C4orf50: variants seen among roughly 807,000 people sequenced by gnomAD.
The protein encoded by C4orf50 is uncharacterized protein C4orf50.
Under a neutral mutation model 77.2 loss-of-function variants are expected in C4orf50, and 80 were observed. That is an observed-to-expected ratio of 1.04 (90% confidence interval 0.87 to 1.25). The LOEUF (loss-of-function observed/expected upper bound fraction) is 1.25. C4orf50 is among the 50% of genes most tolerant of loss of function. The probability of loss-of-function intolerance (pLI) is 0.00; values close to 1 mark genes in which losing one functional copy is unlikely to be tolerated. For missense variants in C4orf50, 1,257 were observed against 1,152.9 expected, an observed-to-expected ratio of 1.09 and a Z score of -1.31; for synonymous variants, 532 against 465.3, an observed-to-expected ratio of 1.14 and a Z score of -1.84.
In C4orf50 at chr4:5,910,786, C is replaced by A. The variant is rs186674356; in HGVS notation, c.*2475-12598G>T. Among the ~76,000 whole-genome samples the A allele has an allele frequency of 4.0e-5, 6 of 151,878 alleles. No individual in the cohort carries two copies. In the South Asian group the frequency reaches 8.3e-4, roughly 21 times the overall value. On this transcript the variant is annotated intron_variant, in intron 7 of 7. Coordinates refer to the C4orf50 transcript ENST00000324058. ...TAAAGTCCCTGCCCTCAGGTGCTCT[C>A]TTTTTTGTTGTTGTCAGTGGAGTGG... is the stretch of plus-strand genomic sequence containing the variant.
In C4orf50 at chr4:5,916,193, G is replaced by T. The variant is rs1240448556; in HGVS notation, c.*2475-18005C>A. On this transcript the variant is annotated intron_variant, in intron 7 of 7. Transcript: ENST00000324058. The surrounding 1 kb of genome is among the most constrained non-coding windows in gnomAD (Gnocchi z 4.4). ...TGTGACTTCTTTCTTATTCTGTCCT[G>T]GCTTCCCTCACTGGACAGGGAACAG... Among the ~76,000 whole-genome samples, 2 of 152,150 alleles carry T rather than the reference G, an allele frequency of 1.3e-5. No homozygotes were observed. Among genetic ancestry groups the T allele is most frequent in the African/African-American group, 4.8e-5 (2 of 41,418 alleles).
At chr4:6,012,099 A>G (rs1722518895) in intron 23 of C4orf50, 131 bp from the exon 2 acceptor site, 1 of 397,562 alleles carries the variant, frequency 2.5e-6, no homozygotes, top group East Asian at 3.6e-5. Flanking sequence ...TTCTGACAAA[A>G]TTACGTTTTG....
At chr4:5,980,649 A>C (rs1220441654) in intron 28 of C4orf50, among the ~76,000 whole-genome samples, 2 of 152,040 alleles carry the variant, frequency 1.3e-5, no homozygotes, top group Non-Finnish European at 2.9e-5. Flanking sequence ...GAGGGCCTGG[A>C]GAGTCCCAGA....
chr4:5,946,333 C>T (rs974386745), intron 7 of C4orf50, among the ~76,000 whole-genome samples: 6 of 152,178 alleles, frequency 3.9e-5, no homozygotes, highest in African/African-American at 1.4e-4. Context: ...ACCCAAAACC[C>T]CTAGACCTTC....
chr4:5,959,654 C>A (rs371745154), intron 33 of C4orf50, 28 bp from the exon 12 acceptor site: 26 of 1,596,134 alleles, frequency 1.6e-5, no homozygotes, highest in Non-Finnish European at 2.1e-5. Context: ...ATGAAATGGT[C>A]TCTGCGTCCA....
intron 7 of C4orf50, among the ~76,000 whole-genome samples, chr4:5,929,175 T>A (rs762368699): frequency 1.3e-5 from 2 of 152,284 alleles, no homozygotes; most frequent in East Asian, 3.9e-4. Flanking sequence ...CTATTATAAA[T>A]CATAGCACGA....
chr4:6,004,180 T>C (rs1722062899), intron 25 of C4orf50, among the ~76,000 whole-genome samples: 2 of 125,288 alleles, frequency 1.6e-5, no homozygotes, highest in African/African-American at 5.7e-5. Context: ...ATGGTGATGA[T>C]GGTGATGGTG....
rs1360490779 is a variant in C4orf50 at position 6,009,187 on chromosome 4, C to T, written c.427-655G>A. 6.6e-6 allele frequency among the ~76,000 whole-genome samples: 1 copy of T among 152,236 alleles called. No homozygotes were observed. Among genetic ancestry groups the T allele is most frequent in the South Asian group, 2.1e-4 (1 of 4,834 alleles). ...CTCAGGCCTTTTCTTCTTTCATCTGCCCACCTGCCTGGCCTGGGAACACAT... is the reference window on the plus strand; with the variant it reads ...CTCAGGCCTTTTCTTCTTTCATCTGTCCACCTGCCTGGCCTGGGAACACAT... On this transcript the variant is annotated intron_variant, in intron 24 of 33. Transcript: ENST00000531445. The surrounding 1 kb of genome is among the most constrained non-coding windows in gnomAD (Gnocchi z 5.6).
chr4:5,917,772 C>G (rs767726695), intron 7 of C4orf50, among the ~76,000 whole-genome samples: 82 of 152,098 alleles, frequency 5.4e-4, no homozygotes, highest in Non-Finnish European at 8.1e-4. Context: ...CACCCAACCC[C>G]AGAAGGCATT....
intron 7 of C4orf50, among the ~76,000 whole-genome samples, chr4:5,915,071 T>A (rs1457720277): frequency 6.6e-6 from 1 of 152,172 alleles, no homozygotes; most frequent in Non-Finnish European, 1.5e-5. Context: ...GCACCGCAAA[T>A]GTCTCTGCCC....
chr4:5,954,428 G>T (rs13113733), downstream of C4orf50, among the ~76,000 whole-genome samples: 1 of 151,950 alleles, frequency 6.6e-6, no homozygotes, highest in African/African-American at 2.4e-5. This position sits in a 1 kb window ranked among gnomAD's most constrained non-coding sequence, Gnocchi z 4.7. Context: ...AGCCATGGCT[G>T]GAGGGCCCCA....
intron 7 of C4orf50, among the ~76,000 whole-genome samples, chr4:5,912,249 C>T (rs1390995517): frequency 7.7e-6 from 1 of 129,120 alleles, no homozygotes; most frequent in African/African-American, 3.0e-5. Context: ...CAGTCTAGCA[C>T]TCCACTCGTG....
At chr4:6,014,229 C>T (rs184538714) in intron 23 of C4orf50, among the ~76,000 whole-genome samples, 200 of 152,120 alleles carry the variant, frequency 1.3e-3, no homozygotes, top group Non-Finnish European at 2.8e-4. Flanking sequence ...CTTGAACTCC[C>T]GACCTCAGGT....
At chr4:6,002,498 G>A (rs1023639113) in intron 25 of C4orf50, among the ~76,000 whole-genome samples, 17 of 152,206 alleles carry the variant, frequency 1.1e-4, no homozygotes, top group South Asian at 2.1e-4. Context: ...CTGCAGCCCC[G>A]GGAATACCCC....
rs1411428703 is a variant in C4orf50, at chr4:6,018,297, A to G, written c.135T>C (p.Asp45=). 8 of 398,850 alleles carry G rather than the reference A, an allele frequency of 2.0e-5. No individual in the cohort carries two copies. The highest frequency in any genetic ancestry group is 3.1e-5 in the Non-Finnish European group (7 of 226,072). The allele number at this position is 398,850 out of a possible 1,614,324, so 24.7% of individuals were successfully genotyped here. Residue 45 remains aspartate (D), a synonymous_variant, in exon 23 of 34, where the codon GAT becomes GAC. Coordinates refer to ENST00000531445, the Ensembl canonical transcript of C4orf50. This position sits in a 1 kb window ranked among gnomAD's most constrained non-coding sequence, Gnocchi z 5.1. ...GAAGACATTCCCGCTCCTCAGCACTATCTTCCATGTCCTGGAATATCCAGG... is the reference window on the plus strand; with the variant it reads ...GAAGACATTCCCGCTCCTCAGCACTGTCTTCCATGTCCTGGAATATCCAGG...
At chr4:5,931,405 A>G (rs1717761980) in intron 7 of C4orf50, among the ~76,000 whole-genome samples, 1 of 152,202 alleles carries the variant, frequency 6.6e-6, no homozygotes, top group South Asian at 2.1e-4. Flanking sequence ...ATGGTTTGCA[A>G]AAACTTTTCA....
intron 33 of C4orf50, among the ~76,000 whole-genome samples, chr4:5,961,701 T>A (rs1346478442): frequency 2.0e-5 from 3 of 152,186 alleles, no homozygotes; most frequent in Non-Finnish European, 4.4e-5. Flanking sequence ...TAGTGTTGGA[T>A]CTTCAGTGGC....
intron 25 of C4orf50, among the ~76,000 whole-genome samples, chr4:5,995,650 C>T (rs902886043): frequency 3.9e-5 from 6 of 152,212 alleles, no homozygotes; most frequent in Admixed American, 2.0e-4. Flanking sequence ...CTCCACTGGA[C>T]TGTGAGCTCC....
At chr4:5,926,480 CA>C (rs1717519922) in intron 7 of C4orf50, among the ~76,000 whole-genome samples, 1 of 152,088 alleles carries the variant, frequency 6.6e-6, no homozygotes, top group South Asian at 2.1e-4. Context: ...CTAAAGGGGA[CA>C]GTGTTCCTTT....
Sources: allele counts gnomAD v4.1 joint callset (sites outside exome capture counted in the v4.1 genomes callset), GRCh38; gene constraint gnomAD v4.1.1; non-coding constraint Gnocchi (gnomAD v3.1); transcripts MANE v1.5; gene names NCBI Gene and HGNC (gene_info 2026-07-23, HGNC 2026-07-21).